CENPE: variants seen among roughly 807,000 people sequenced by gnomAD.
CENPE encodes the protein centromere-associated protein E.
CENPE carries 145 observed loss-of-function variants against 336.1 expected under a neutral mutation model. The observed-to-expected ratio is 0.43, with a 90% confidence interval of 0.38 to 0.50. The LOEUF (loss-of-function observed/expected upper bound fraction) is 0.50. Among genes scored for constraint, CENPE ranks in the 20% least tolerant of loss-of-function variants. CENPE has a pLI of 0.00. For synonymous variants in CENPE, 1,013 were observed against 984.8 expected, an observed-to-expected ratio of 1.03 and a Z score of -0.54; for missense variants, 2,719 against 3,023.3, an observed-to-expected ratio of 0.90 and a Z score of 2.36.
At chr4:103,150,191 T>C (rs954490575) in intron 26 of CENPE, among the ~76,000 whole-genome samples, 7 of 152,210 alleles carry the variant, frequency 4.6e-5, no homozygotes, top group Admixed American at 3.3e-4. Context: ...CTATTGATTT[T>C]ACCTTTTTTA....
At chr4:103,115,553 C>T (rs1750019988) in intron 45 of CENPE, among the ~76,000 whole-genome samples, 1 of 152,008 alleles carries the variant, frequency 6.6e-6, no homozygotes, top group Admixed American at 6.6e-5. Flanking sequence ...ACTTCCTGGG[C>T]AAAATAAGAG....
chr4:103,133,888 A>G lies in CENPE; in HGVS notation c.6527T>C (p.Val2176Ala). Reference sequence around the variant, plus strand: ...TTTTATTTTTGTAACATAGCTTAACACATACTTGCAGAAAAAAATTAAACA... The same window carrying G: ...TTTTATTTTTGTAACATAGCTTAACGCATACTTGCAGAAAAAAATTAAACA... Reference protein sequence around the residue: ...FHRIMKKLKYVLSYVTKIKEE... With the variant: ...FHRIMKKLKYALSYVTKIKEE... The change falls in exon 41 of 49, where the codon GTG becomes GCG. Residue 2176 changes from valine (V) to alanine (A), a missense_variant. Coordinates refer to ENST00000265148, the MANE Select transcript of CENPE (RefSeq NM_001813.3). The G allele has an allele frequency of 6.4e-7, 1 of 1,563,074 alleles. No individual in the cohort carries two copies. The highest frequency in any genetic ancestry group is 8.7e-7 in the Non-Finnish European group (1 of 1,147,502).
At position 103,122,963 on chromosome 4, in the gene CENPE, T is replaced by A. The variant is rs1357015790; in HGVS notation, c.7051A>T (p.Thr2351Ser). The A allele has an allele frequency of 1.2e-6, 2 of 1,613,940 alleles. No individual in the cohort carries two copies. Among genetic ancestry groups the A allele is most frequent in the Admixed American group, 3.3e-5 (2 of 60,026 alleles). ...KLFKNYQTLK[T>S]SLASGAQVNP... is the part of the protein sequence containing the mutation. The stretch of plus-strand genomic sequence containing the variant: ...ACCTGGGCACCAGATGCCAAGGAAG[T>A]CTTCAATGTTTGGTAGTTTTTAAAT... The change falls in exon 43 of 49, where the codon ACT becomes TCT. Residue 2351 changes from threonine to serine, a missense_variant. Coordinates refer to ENST00000265148, the MANE Select transcript of CENPE (RefSeq NM_001813.3).
At chr4:103,153,278 TTTC>T in intron 24 of CENPE, 28 bp from the exon 25 acceptor site, 2 of 1,473,016 alleles carry the variant, frequency 1.4e-6, no homozygotes, top group Non-Finnish European at 1.9e-6. Context: ...TACAGAAGAA[TTTC>T]TTAAGTAGTT....
chr4:103,196,551 A>C (rs1757753584), intron 2 of CENPE, among the ~76,000 whole-genome samples: 1 of 152,222 alleles, frequency 6.6e-6, no homozygotes, highest in African/African-American at 2.4e-5. Context: ...CTAGATGCAA[A>C]TTAGATAACT....
At chr4:103,124,926 C>CAT (rs1239793359) in intron 42 of CENPE, among the ~76,000 whole-genome samples, 1 of 152,212 alleles carries the variant, frequency 6.6e-6, no homozygotes, top group Non-Finnish European at 1.5e-5. Flanking sequence ...GAAGAAGCCA[C>CAT]ATATACATGC....
At chr4:103,189,756 A>G (rs1159006819) in intron 8 of CENPE, among the ~76,000 whole-genome samples, 7 of 151,960 alleles carry the variant, frequency 4.6e-5, no homozygotes, top group Non-Finnish European at 8.8e-5. Flanking sequence ...CTCTCTCACC[A>G]CTCCTATTCA....
rs536928331 is a variant in CENPE, at chr4:103,107,182, G to A, written c.8012-866C>T. On this transcript the variant is annotated intron_variant, in intron 48 of 48. Coordinates refer to ENST00000265148, the MANE Select transcript of CENPE (RefSeq NM_001813.3). ...GCCTAGGAGTTCAAGGCCAGTTTGGGCAACATAGTGAGAGAGTTCCATGCA... is the reference window on the plus strand; with the variant it reads ...GCCTAGGAGTTCAAGGCCAGTTTGGACAACATAGTGAGAGAGTTCCATGCA... Among the ~76,000 whole-genome samples the A allele has an allele frequency of 7.2e-5, 11 of 152,272 alleles. No individual in the cohort carries two copies. In the East Asian group the frequency reaches 1.5e-3, roughly 21 times the overall value.
At chr4:103,110,743 T>C in intron 47 of CENPE, 85 bp downstream of exon 47, 2 of 1,002,912 alleles carry the variant, frequency 2.0e-6, no homozygotes, top group Non-Finnish European at 2.8e-6. Context: ...TGTTACCACC[T>C]GCAAAAAATA....
At position 103,149,045 on chromosome 4, in the gene CENPE, T is replaced by A. The variant is rs778987223; in HGVS notation, c.3688-46A>T. The A allele has an allele frequency of 4.4e-6, 7 of 1,594,972 alleles. No individual in the cohort carries two copies. The Admixed American group carries it at 5.3e-5, about 12-fold the overall frequency. On this transcript the variant is annotated intron_variant, in intron 27 of 48. Transcript: ENST00000265148. ...GAATATTGTAATATTCTTCCAACATTGCTCCCCTCTTTCCAAGTGGCTCAG... is the reference window on the plus strand; with the variant it reads ...GAATATTGTAATATTCTTCCAACATAGCTCCCCTCTTTCCAAGTGGCTCAG...
At position 103,108,816 on chromosome 4, in the gene CENPE, TA is replaced by T; in HGVS notation, c.7997del (p.Leu2666Ter). On this transcript the variant is annotated frameshift_variant, in exon 48 of 49. Transcript: ENST00000265148. LOFTEE classifies it low-confidence loss of function (END_TRUNC). ...HPVRYFDNSS[L>X]GLCPEVQNAG... ...ATATTTACTTACCTGGACAAAGGCCTAAACTTGAGTTATCAAAATAGCGAAC... is the reference window on the plus strand; with the variant it reads ...ATATTTACTTACCTGGACAAAGGCCTAACTTGAGTTATCAAAATAGCGAAC... 1 of 1,613,510 alleles carries T rather than the reference TA, an allele frequency of 6.2e-7. No individual in the cohort carries two copies. Among genetic ancestry groups the T allele is most frequent in the Non-Finnish European group, 8.5e-7 (1 of 1,179,664 alleles).
At chr4:103,167,716 C>T (rs1250182850) in intron 16 of CENPE, among the ~76,000 whole-genome samples, 1 of 152,192 alleles carries the variant, frequency 6.6e-6, no homozygotes, top group Admixed American at 6.5e-5. Flanking sequence ...AGAGTGCATA[C>T]CAACACCCAG....
Position 103,138,384 on chromosome 4 carries a change from C to T in CENPE, c.6270G>A (p.Thr2090=), listed in dbSNP as rs756609759. ...TAGAGCACTTTTCTCTCAGGCTTTC[C>T]GTAAGGTGCTGTTGTCCATCACTTA... is the stretch of plus-strand genomic sequence containing the variant. ...RLLSDGQQHL[T]ESLREKCSRI... Residue 2090 remains threonine, a synonymous_variant, in exon 39 of 49, where the codon ACG becomes ACA. Transcript: ENST00000265148. The T allele has an allele frequency of 1.4e-5, 23 of 1,613,166 alleles. No homozygotes were observed. Among genetic ancestry groups the T allele is most frequent in the East Asian group, 6.7e-5 (3 of 44,866 alleles).
chr4:103,189,399 A>C (rs1757098195), intron 8 of CENPE, among the ~76,000 whole-genome samples: 1 of 152,172 alleles, frequency 6.6e-6, no homozygotes, highest in South Asian at 2.1e-4. Context: ...TCAATAAAAT[A>C]CTGGCAAACA....
chr4:103,131,097 CT>C (rs1202151433), intron 42 of CENPE, among the ~76,000 whole-genome samples: 1 of 151,714 alleles, frequency 6.6e-6, no homozygotes, highest in Non-Finnish European at 1.5e-5. Flanking sequence ...ATAAGCTAGA[CT>C]TTTTTTTAAC....
intron 42 of CENPE, among the ~76,000 whole-genome samples, chr4:103,123,328 T>A (rs1233911039): frequency 6.6e-6 from 1 of 152,192 alleles, no homozygotes; most frequent in East Asian, 1.9e-4. Flanking sequence ...CATCCTCTTG[T>A]CCAGCATACA....
chr4:103,162,920 G>A (rs1029324851), intron 18 of CENPE, among the ~76,000 whole-genome samples: 4 of 152,070 alleles, frequency 2.6e-5, no homozygotes, highest in African/African-American at 9.7e-5. Flanking sequence ...CTCAAAGGAT[G>A]ACATGATCAA....
In CENPE at chr4:103,179,631, T is replaced by C. The variant is rs190918624; in HGVS notation, c.1242+680A>G. ...TGTGTTGAGCTAATTCTACCTATTA[T>C]CTCATTTAATTCTCACACAACACTT... On this transcript the variant is annotated intron_variant, in intron 13 of 48. Transcript: ENST00000265148. Among the ~76,000 whole-genome samples, 5 of 152,322 alleles carry C rather than the reference T, an allele frequency of 3.3e-5. No individual in the cohort carries two copies. The East Asian group carries it at 9.6e-4, about 29-fold the overall frequency.
intron 28 of CENPE, 39 bp from the exon 29 acceptor site, chr4:103,147,685 G>T (rs1010554538): frequency 2.6e-6 from 4 of 1,540,826 alleles, no homozygotes; most frequent in Non-Finnish European, 3.5e-6. Context: ...ACTATCAGGA[G>T]ATTATGATCA....
Sources: gnomAD v4.1 joint callset for allele counts (sites outside exome capture counted in the v4.1 genomes callset) on GRCh38, gnomAD v4.1.1 for gene constraint, MANE v1.5 for transcripts, NCBI Gene and HGNC (gene_info 2026-07-23, HGNC 2026-07-21) for gene names.